Variants in EPAS1 observed in about 807,000 individuals in gnomAD.
EPAS1 encodes the protein endothelial PAS domain protein 1.
A neutral mutation model predicts 87.9 loss-of-function variants in EPAS1; 23 were observed. The ratio of observed to expected loss-of-function variants is 0.26; its 90% CI spans 0.19 to 0.37. EPAS1 has a LOEUF of 0.37. Among genes scored for constraint, EPAS1 ranks in the 10% least tolerant of loss-of-function variants. The pLI is 1.00. For synonymous variants in EPAS1, 508 were observed against 444.3 expected, an observed-to-expected ratio of 1.14 and a Z score of -1.80; for missense variants, 1,138 against 1,120.7, an observed-to-expected ratio of 1.02 and a Z score of -0.22.
intron 10 of EPAS1, 37 bp from the exon 11 acceptor site, chr2:46,378,620 T>C (rs1343178552): frequency 6.4e-7 from 1 of 1,574,752 alleles, no homozygotes; most frequent in Non-Finnish European, 8.7e-7. Context: ...ACCAGTGCCA[T>C]ATCTTTGACT....
chr2:46,361,530 C>T lies in EPAS1; in HGVS notation c.779+440C>T, dbSNP rs114428005. On this transcript the variant is annotated intron_variant, in intron 6 of 15. Transcript: ENST00000263734. The stretch of plus-strand genomic sequence containing the variant: ...CCATTACTGACTGAGCCTTTCCCTC[C>T]GCCTTGTTCCTTCCTGCATGCAACT... 2.7e-3 allele frequency among the ~76,000 whole-genome samples: 407 copies of T among 152,250 alleles called. 2 individuals carry two copies. Among genetic ancestry groups the T allele is most frequent in the African/African-American group, 9.5e-3 (394 of 41,528 alleles).
chr2:46,340,524 G>A lies in EPAS1; in HGVS notation c.27-6349G>A, dbSNP rs1179189529. Among the ~76,000 whole-genome samples the A allele has an allele frequency of 3.9e-5, 6 of 152,104 alleles. 1 individual carries two copies. The highest frequency in any genetic ancestry group is 4.1e-4 in the South Asian group (2 of 4,822). ...TCTTCTCTCTTCTTTGTCCCCTCTTGTAGACTTTTGATATACTAGTGTGGA... is the reference window on the plus strand; with the variant it reads ...TCTTCTCTCTTCTTTGTCCCCTCTTATAGACTTTTGATATACTAGTGTGGA... On this transcript the variant is annotated intron_variant, in intron 1 of 15. Coordinates refer to ENST00000263734, the MANE Select transcript of EPAS1 (RefSeq NM_001430.5).
intron 2 of EPAS1, among the ~76,000 whole-genome samples, chr2:46,349,731 C>T (rs1341178898): frequency 6.6e-6 from 1 of 152,264 alleles, no homozygotes; most frequent in Non-Finnish European, 1.5e-5. Flanking sequence ...TCTGACTTCT[C>T]TCCCAGGCTC....
chr2:46,370,244 C>A (rs931551080), intron 7 of EPAS1, among the ~76,000 whole-genome samples: 4 of 152,200 alleles, frequency 2.6e-5, no homozygotes, highest in African/African-American at 9.6e-5. Flanking sequence ...TGCCTGTGTG[C>A]AGTCAGTGGT....
intron 3 of EPAS1, among the ~76,000 whole-genome samples, 149 bp from the exon 4 acceptor site, chr2:46,356,571 TTCTG>T (rs1336031379): frequency 6.6e-6 from 1 of 152,204 alleles, no homozygotes; most frequent in African/African-American, 2.4e-5. Flanking sequence ...GATTACATCT[TTCTG>T]TCTGTGGACC....
At chr2:46,358,015 G>T (rs748353629) in intron 4 of EPAS1, among the ~76,000 whole-genome samples, 2 of 152,190 alleles carry the variant, frequency 1.3e-5, no homozygotes, top group Non-Finnish European at 2.9e-5. Context: ...TGCATGTCTA[G>T]ATGTCCTCTT....
intron 1 of EPAS1, among the ~76,000 whole-genome samples, chr2:46,338,020 T>G (rs375994411): frequency 3.3e-5 from 5 of 152,194 alleles, no homozygotes; most frequent in Admixed American, 3.3e-4. Context: ...TCATCAGATT[T>G]AGTATCCTAG....
At chr2:46,369,349 G>A (rs1684574477) in intron 6 of EPAS1, among the ~76,000 whole-genome samples, 1 of 152,162 alleles carries the variant, frequency 6.6e-6, no homozygotes, top group Non-Finnish European at 1.5e-5. Flanking sequence ...TAATTTTCAT[G>A]TTTCATTTAT....
rs1006152466 is a variant in EPAS1 at position 46,371,912 on chromosome 2, G to C, written c.886+1979G>C. Among the ~76,000 whole-genome samples, 1 of 152,172 alleles carries C rather than the reference G, an allele frequency of 6.6e-6. No homozygotes were observed. The highest frequency in any genetic ancestry group is 1.5e-5 in the Non-Finnish European group (1 of 68,032). On this transcript the variant is annotated intron_variant, in intron 7 of 15. Transcript: ENST00000263734. This position sits in a 1 kb window ranked among gnomAD's most constrained non-coding sequence, Gnocchi z 4.3. Reference sequence around the variant, plus strand: ...TATTACCTTTTATCTTGTAGGATGGGAAAGCAGAAGAAGCTACTGTCAAAG... The same window carrying C: ...TATTACCTTTTATCTTGTAGGATGGCAAAGCAGAAGAAGCTACTGTCAAAG...
chr2:46,335,066 C>T (rs1683761111), intron 1 of EPAS1, among the ~76,000 whole-genome samples: 1 of 151,914 alleles, frequency 6.6e-6, no homozygotes. Flanking sequence ...CTTTGCTTTC[C>T]TTTTTTTAAT....
At chr2:46,358,706 T>C (rs1184562791) in intron 4 of EPAS1, among the ~76,000 whole-genome samples, 1 of 152,236 alleles carries the variant, frequency 6.6e-6, no homozygotes, top group East Asian at 1.9e-4. Flanking sequence ...TTAGATCTCT[T>C]GATCTGCATA....
chr2:46,352,736 C>T (rs1013307811), intron 2 of EPAS1, among the ~76,000 whole-genome samples: 7 of 152,190 alleles, frequency 4.6e-5, no homozygotes, highest in African/African-American at 1.7e-4. Context: ...GACCCTGTCC[C>T]GGCCCTGCCG....
chr2:46,357,246 G>C (rs1258397121), intron 4 of EPAS1, among the ~76,000 whole-genome samples: 1 of 152,210 alleles, frequency 6.6e-6, no homozygotes, highest in African/African-American at 2.4e-5. Flanking sequence ...TGTGGGTTCA[G>C]TGGGTGGGTC....
chr2:46,303,868 G>A (rs577944024), intron 1 of EPAS1, among the ~76,000 whole-genome samples: 1 of 152,274 alleles, frequency 6.6e-6, no homozygotes, highest in East Asian at 1.9e-4. Flanking sequence ...TCCCTGTGGT[G>A]AAGAATGGGG....
rs1176157660 is a variant in EPAS1 at position 46,300,872 on chromosome 2, A to G, written c.26+2935A>G. Among the ~76,000 whole-genome samples, 1 of 152,228 alleles carries G rather than the reference A, an allele frequency of 6.6e-6. No homozygotes were observed. The highest frequency in any genetic ancestry group is 6.5e-5 in the Admixed American group (1 of 15,286). The stretch of plus-strand genomic sequence containing the variant: ...TCTCCAATCTCCCCCTCCTTCTGAC[A>G]GCTGGACTTAGTTGTTCCTCTTCTA... On this transcript the variant is annotated intron_variant, in intron 1 of 15. Transcript: ENST00000263734. The surrounding 1 kb of genome is among the most constrained non-coding windows in gnomAD (Gnocchi z 4.1).
chr2:46,337,468 G>A (rs140705276), intron 1 of EPAS1, among the ~76,000 whole-genome samples: 2 of 152,292 alleles, frequency 1.3e-5, no homozygotes, highest in Non-Finnish European at 2.9e-5. Flanking sequence ...GAAGTGGGGC[G>A]GGAAACTGCT....
rs541459782 is a variant in EPAS1 at position 46,336,804 on chromosome 2, C to G, written c.27-10069C>G. Among the ~76,000 whole-genome samples the G allele has an allele frequency of 3.3e-5, 5 of 152,330 alleles. No individual in the cohort carries two copies. In the East Asian group the frequency reaches 9.6e-4, roughly 29 times the overall value. ...AGGAAGGCAGAATCCCAGGCTTCAG[C>G]CCAGATCCTACTGAGCCTGCACTGT... is the stretch of plus-strand genomic sequence containing the variant. On this transcript the variant is annotated intron_variant, in intron 1 of 15. Coordinates refer to ENST00000263734, the MANE Select transcript of EPAS1 (RefSeq NM_001430.5).
At chr2:46,356,437 C>CA in intron 3 of EPAS1, 135 bp downstream of exon 3, 2 of 1,153,570 alleles carry the variant, frequency 1.7e-6, no homozygotes, top group South Asian at 2.6e-5. Context: ...GACCTCAGGC[C>CA]ACACGCCTCA....
chr2:46,329,319 T>C (rs778475718), intron 1 of EPAS1, among the ~76,000 whole-genome samples: 1 of 152,166 alleles, frequency 6.6e-6, no homozygotes, highest in Admixed American at 6.5e-5. Flanking sequence ...TCAGCACCTA[T>C]GCCGACAGTC....
Sources: gnomAD v4.1 joint callset for allele counts (sites outside exome capture counted in the v4.1 genomes callset) on GRCh38, gnomAD v4.1.1 for gene constraint, Gnocchi (gnomAD v3.1) non-coding constraint, MANE v1.5 for transcripts, NCBI Gene and HGNC (gene_info 2026-07-23, HGNC 2026-07-21) for gene names.